The following INPP4B variants were observed in gnomAD, a reference collection of about 807,000 sequenced individuals.
INPP4B encodes inositol polyphosphate 4-phosphatase type II.
INPP4B carries 55 observed loss-of-function variants against 122.5 expected under a neutral mutation model. That is an observed-to-expected ratio of 0.45 (90% CI 0.36 to 0.56). INPP4B has a LOEUF of 0.56. Ranked by LOEUF, INPP4B falls within the 20% of genes least tolerant of loss-of-function variation. INPP4B has a pLI of 0.00. For synonymous variants in INPP4B, 403 were observed against 388.7 expected (o/e 1.04, Z -0.43); for missense variants, 1,000 against 1,097.7 (o/e 0.91, Z 1.26).
At chr4:142,696,896 T>G (rs1386757181) in intron 2 of INPP4B, among the ~76,000 whole-genome samples, 1 of 152,200 alleles carries the variant, frequency 6.6e-6, no homozygotes, top group Non-Finnish European at 1.5e-5. Flanking sequence ...AACAGTGCTT[T>G]CCTCTAGCAA....
At chr4:142,168,327 G>A (rs887047856) in intron 16 of INPP4B, among the ~76,000 whole-genome samples, 5 of 151,158 alleles carry the variant, frequency 3.3e-5, no homozygotes, top group Non-Finnish European at 5.9e-5. Context: ...TTCTGGTCAC[G>A]GATCATATTT....
rs146948789 is a variant in INPP4B, at chr4:142,799,180, A to G, written c.-254+47029T>C. Among the ~76,000 whole-genome samples the G allele has an allele frequency of 5.3e-5, 8 of 152,102 alleles. No homozygotes were observed. In the East Asian group the frequency reaches 1.5e-3, roughly 29 times the overall value. ...AAAAGCTTTAAGACTAACATTATTT[A>G]TAAATGCTACTTATACAACCCCTTG... On this transcript the variant is annotated intron_variant, in intron 1 of 25. Transcript: ENST00000262992.
chr4:142,525,286 T>G (rs945366891), intron 2 of INPP4B, among the ~76,000 whole-genome samples: 2 of 151,100 alleles, frequency 1.3e-5, no homozygotes, highest in African/African-American at 4.9e-5. Context: ...GTAGGAAGAA[T>G]CAATATCGTG....
intron 2 of INPP4B, among the ~76,000 whole-genome samples, chr4:142,634,940 A>C (rs1448838177): frequency 6.6e-6 from 1 of 152,184 alleles, no homozygotes; most frequent in Non-Finnish European, 1.5e-5. Flanking sequence ...ATGAAAATTA[A>C]TAAGTTAGTT....
At chr4:142,844,903 T>C (rs1783998334) in intron 1 of INPP4B, among the ~76,000 whole-genome samples, 1 of 152,220 alleles carries the variant, frequency 6.6e-6, no homozygotes, top group Non-Finnish European at 1.5e-5. Flanking sequence ...ATTTATCCTC[T>C]GTCTTTAGGC....
At chr4:142,706,699 A>G (rs1409232022) in intron 2 of INPP4B, among the ~76,000 whole-genome samples, 2 of 152,254 alleles carry the variant, frequency 1.3e-5, no homozygotes, top group East Asian at 3.8e-4. Flanking sequence ...GGGATCTCAC[A>G]TTCATACACC....
chr4:142,047,510 A>G (rs1444177471), intron 25 of INPP4B, among the ~76,000 whole-genome samples: 1 of 151,978 alleles, frequency 6.6e-6, no homozygotes, highest in Non-Finnish European at 1.5e-5. Context: ...CAACCCCTTC[A>G]TTTTTCAGAT....
At chr4:142,697,288 C>A (rs1761160903) in intron 2 of INPP4B, among the ~76,000 whole-genome samples, 3 of 152,244 alleles carry the variant, frequency 2.0e-5, no homozygotes, top group Admixed American at 1.3e-4. Context: ...CTTTCCCCAA[C>A]CCACACCAAT....
chr4:142,582,829 C>T (rs1420302946), intron 2 of INPP4B, among the ~76,000 whole-genome samples: 1 of 152,060 alleles, frequency 6.6e-6, no homozygotes, highest in Non-Finnish European at 1.5e-5. Flanking sequence ...CCATAAGTTC[C>T]CTATAAAACC....
chr4:142,210,027 T>G (rs1316369853), intron 12 of INPP4B, among the ~76,000 whole-genome samples: 1 of 152,148 alleles, frequency 6.6e-6, no homozygotes, highest in Non-Finnish European at 1.5e-5. Flanking sequence ...CAGAATGCCT[T>G]TTTAAAACTA....
intron 7 of INPP4B, among the ~76,000 whole-genome samples, chr4:142,400,873 T>A (rs1413761717): frequency 6.6e-6 from 1 of 152,184 alleles, no homozygotes; most frequent in Admixed American, 6.5e-5. Flanking sequence ...GCATTAACAT[T>A]CATGCACATT....
chr4:142,258,070 T>G (rs1235908689), intron 11 of INPP4B, among the ~76,000 whole-genome samples: 10 of 151,872 alleles, frequency 6.6e-5, no homozygotes, highest in Admixed American at 1.3e-4. Flanking sequence ...CTATCTGATC[T>G]TTGACAAACC....
chr4:142,041,823 A>C (rs1031943385), intron 25 of INPP4B, among the ~76,000 whole-genome samples: 2 of 152,108 alleles, frequency 1.3e-5, no homozygotes, highest in East Asian at 1.9e-4. Context: ...CCAGACTTTA[A>C]TGTCATTTGA....
At chr4:142,345,568 C>G (rs1279976781) in intron 7 of INPP4B, among the ~76,000 whole-genome samples, 1 of 151,956 alleles carries the variant, frequency 6.6e-6, no homozygotes, top group African/African-American at 2.4e-5. Context: ...CACATGGACA[C>G]AAGCACATAC....
intron 7 of INPP4B, among the ~76,000 whole-genome samples, chr4:142,372,983 A>G (rs1790466737): frequency 1.3e-5 from 2 of 152,034 alleles, no homozygotes; most frequent in Non-Finnish European, 2.9e-5. Context: ...ATACATACAC[A>G]CACAGGGGCA....
At chr4:142,513,528 CT>C (rs1825019446) in intron 2 of INPP4B, among the ~76,000 whole-genome samples, 1 of 152,126 alleles carries the variant, frequency 6.6e-6, no homozygotes, top group Non-Finnish European at 1.5e-5. Flanking sequence ...CTGGCTCAGC[CT>C]CCTGAGTAGC....
At chr4:142,154,434 T>C (rs1268035361) in intron 17 of INPP4B, among the ~76,000 whole-genome samples, 1 of 152,160 alleles carries the variant, frequency 6.6e-6, no homozygotes, top group Non-Finnish European at 1.5e-5. Context: ...TATCTTGAAT[T>C]TTACCACTTT....
intron 2 of INPP4B, among the ~76,000 whole-genome samples, chr4:142,617,277 CA>C (rs1743917243): frequency 6.6e-6 from 1 of 151,968 alleles, no homozygotes; most frequent in African/African-American, 2.4e-5. Context: ...AATTGACACA[CA>C]AAAAAGGCAG....
chr4:142,202,750 A>G, intron 14 of INPP4B: 1 of 985,192 alleles, frequency 1.0e-6, no homozygotes, highest in Non-Finnish European at 1.2e-6. Context: ...CAATTTGCGG[A>G]ATCCCACTTG....
Sources: allele counts gnomAD v4.1 joint callset (sites outside exome capture counted in the v4.1 genomes callset), GRCh38; gene constraint gnomAD v4.1.1; transcripts MANE v1.5; gene names NCBI Gene and HGNC (gene_info 2026-07-23, HGNC 2026-07-21).